The following NUDCD1 variants were observed in gnomAD, a reference collection of about 807,000 sequenced individuals.
NUDCD1 encodes the protein NudC domain containing 1.
A neutral mutation model predicts 67.8 loss-of-function variants in NUDCD1; 60 were observed. The observed-to-expected ratio is 0.88, with a 90% CI of 0.72 to 1.10. The LOEUF is 1.10. NUDCD1 is among the 50% of genes least tolerant of loss of function. The pLI is 0.00. For missense variants in NUDCD1, 643 were observed against 695.0 expected (o/e 0.93, Z 0.84); for synonymous variants, 244 against 230.8 (o/e 1.06, Z -0.52).
chr8:109,247,180 A>G (rs1429739641), intron 8 of NUDCD1, among the ~76,000 whole-genome samples: 1 of 152,156 alleles, frequency 6.6e-6, no homozygotes, highest in Non-Finnish European at 1.5e-5. Flanking sequence ...CAGACCTAAC[A>G]CTGCTTCAGC....
chr8:109,259,559 T>A (rs1396433612), intron 8 of NUDCD1, among the ~76,000 whole-genome samples: 1 of 152,094 alleles, frequency 6.6e-6, no homozygotes, highest in Non-Finnish European at 1.5e-5. Flanking sequence ...GTCTATGGGA[T>A]TATCTGGTTA....
At position 109,242,721 on chromosome 8, in the gene NUDCD1, C is replaced by G; in HGVS notation, c.*288G>C. On this transcript the variant is annotated 3_prime_UTR_variant, in exon 10 of 10. Transcript: ENST00000239690. ...TTTAAACACTGAATTGTACATCTTT[C>G]ATATAAAACATGAGATTCTAGCCTG... 1 of 210,078 alleles carries G rather than the reference C, an allele frequency of 4.8e-6. No individual in the cohort carries two copies. The allele number at this position is 210,078 out of a possible 1,614,324, so 13.0% of individuals were successfully genotyped here.
At position 109,333,374 on chromosome 8, in the gene NUDCD1, A is replaced by G. The variant is rs181260932; in HGVS notation, c.118+519T>C. Among the ~76,000 whole-genome samples, 52 of 152,302 alleles carry G rather than the reference A, an allele frequency of 3.4e-4. No individual in the cohort carries two copies. In the South Asian group the frequency reaches 4.1e-3, roughly 12 times the overall value. ...CACTTTTCCTCACTATCTTCTAGAG[A>G]TGTTCTCTACCAGAGTTCTTAATGT... On this transcript the variant is annotated intron_variant, in intron 1 of 9. Coordinates refer to ENST00000239690, the MANE Select transcript of NUDCD1 (RefSeq NM_032869.4).
chr8:109,275,735 G>T (rs555273731), intron 6 of NUDCD1, among the ~76,000 whole-genome samples: 1 of 152,216 alleles, frequency 6.6e-6, no homozygotes, highest in South Asian at 2.1e-4. Flanking sequence ...ACATCAAATG[G>T]CCTGAAGAGA....
At chr8:109,322,237 A>C in intron 2 of NUDCD1, 72 bp downstream of exon 2, 1 of 783,158 alleles carries the variant, frequency 1.3e-6, no homozygotes, top group East Asian at 2.7e-5. Context: ...TAGATTCAAA[A>C]GGGAAACTTA....
In NUDCD1 at chr8:109,242,815, T is replaced by A; in HGVS notation, c.*194A>T. ...TTTTTTTTCAGAAGCCAATGTTCTC[T>A]AAATCTGCAGCTTCATTCCACAGCT... On this transcript the variant is annotated 3_prime_UTR_variant, in exon 10 of 10. Transcript: ENST00000239690. 2.7e-6 allele frequency: 1 copy of A among 363,644 alleles called. No homozygotes were observed. Among genetic ancestry groups the A allele is most frequent in the Non-Finnish European group, 5.0e-6 (1 of 201,998 alleles). The allele number at this position is 363,644 out of a possible 1,614,324, so 22.5% of individuals were successfully genotyped here. A position where few individuals can be genotyped will look rare whatever the true frequency, so the allele number is the denominator to read the frequency against.
chr8:109,333,259 T>C (rs1029193490), intron 1 of NUDCD1, among the ~76,000 whole-genome samples: 1 of 152,200 alleles, frequency 6.6e-6, no homozygotes, highest in Non-Finnish European at 1.5e-5. Context: ...GGCTCTATCA[T>C]AACGAAAATG....
rs188930083 is a variant in NUDCD1, at chr8:109,242,038, G to A, written c.*971C>T. ...GTTGAAGTTGTTAGAAAAATAAAGA[G>A]AGCCACAAGGATAAATTATAATTTG... is the stretch of plus-strand genomic sequence containing the variant. On this transcript the variant is annotated 3_prime_UTR_variant, in exon 10 of 10. Coordinates refer to ENST00000239690, the MANE Select transcript of NUDCD1 (RefSeq NM_032869.4). 5.0e-6 allele frequency: 2 copies of A among 397,932 alleles called. No individual in the cohort carries two copies. The highest frequency in any genetic ancestry group is 7.1e-5 in the East Asian group (2 of 28,064). 24.7% of individuals were successfully genotyped at this position (397,932 alleles called of 1,614,324 possible). A position where few individuals can be genotyped will look rare whatever the true frequency, so the allele number is the denominator to read the frequency against.
At chr8:109,253,262 G>A (rs181103995) in intron 8 of NUDCD1, among the ~76,000 whole-genome samples, 1 of 152,280 alleles carries the variant, frequency 6.6e-6, no homozygotes. Flanking sequence ...AGAAGACATA[G>A]CTAGAGAGTA....
In NUDCD1 at chr8:109,256,509, T is replaced by C. The variant is rs57035030; in HGVS notation, c.1300-11028A>G. Among the ~76,000 whole-genome samples, 41 of 152,302 alleles carry C rather than the reference T, an allele frequency of 2.7e-4. No homozygotes were observed. The East Asian group carries it at 7.1e-3, about 26-fold the overall frequency. ...TTGCAGAAACTTGGAAGGTTCTTTG[T>C]AGACCATGGTAAGGACACTGAAAAT... On this transcript the variant is annotated intron_variant, in intron 8 of 9. Transcript: ENST00000239690.
intron 8 of NUDCD1, among the ~76,000 whole-genome samples, chr8:109,269,207 T>C (rs1227321510): frequency 2.0e-5 from 3 of 152,226 alleles, no homozygotes. Flanking sequence ...ATACATGTGC[T>C]TTTTAGAACT....
chr8:109,280,912 TAAAAAG>T, intron 6 of NUDCD1, 50 bp downstream of exon 6: 1 of 847,774 alleles, frequency 1.2e-6, no homozygotes, highest in Non-Finnish European at 1.8e-6. Flanking sequence ...GTGGAAAGAG[TAAAAAG>T]AAAAGAAAAA....
At chr8:109,268,751 A>T (rs1354417546) in intron 8 of NUDCD1, among the ~76,000 whole-genome samples, 1 of 152,192 alleles carries the variant, frequency 6.6e-6, no homozygotes, top group Non-Finnish European at 1.5e-5. Context: ...ATCTCCAGTT[A>T]AGTCAGATTC....
At chr8:109,272,502 T>C (rs1049680860) in intron 7 of NUDCD1, among the ~76,000 whole-genome samples, 2 of 152,172 alleles carry the variant, frequency 1.3e-5, no homozygotes, top group African/African-American at 2.4e-5. Flanking sequence ...AAATGTTCCC[T>C]TGCTTCAATG....
At chr8:109,288,643 G>C (rs1381941504) in intron 5 of NUDCD1, among the ~76,000 whole-genome samples, 1 of 152,086 alleles carries the variant, frequency 6.6e-6, no homozygotes, top group Non-Finnish European at 1.5e-5. Context: ...ATTTCTTAAA[G>C]CATCCAAAAA....
chr8:109,292,521 TAAAG>T (rs967630137), intron 4 of NUDCD1, among the ~76,000 whole-genome samples: 6 of 152,014 alleles, frequency 3.9e-5, no homozygotes, highest in African/African-American at 1.4e-4. Flanking sequence ...GCAGCTATGG[TAAAG>T]AAATATTTTT....
At chr8:109,275,560 G>T in intron 6 of NUDCD1, 64 bp from the exon 7 acceptor site, 1 of 1,403,200 alleles carries the variant, frequency 7.1e-7, no homozygotes, top group Non-Finnish European at 9.9e-7. Context: ...ACAATCAGTA[G>T]CAAACATTGT....
intron 8 of NUDCD1, among the ~76,000 whole-genome samples, chr8:109,256,825 C>T (rs563469540): frequency 5.9e-5 from 9 of 151,726 alleles, no homozygotes; most frequent in East Asian, 3.9e-4. Flanking sequence ...CATCTGAACC[C>T]GATGAGGATA....
intron 5 of NUDCD1, among the ~76,000 whole-genome samples, chr8:109,288,863 T>C (rs1180778655): frequency 3.3e-5 from 5 of 152,204 alleles, no homozygotes; most frequent in Non-Finnish European, 7.3e-5. Flanking sequence ...TCTCTGGCTA[T>C]GAACATCAGA....
Sources: allele counts gnomAD v4.1 joint callset (sites outside exome capture counted in the v4.1 genomes callset), GRCh38; gene constraint gnomAD v4.1.1; transcripts MANE v1.5; gene names NCBI Gene and HGNC (gene_info 2026-07-23, HGNC 2026-07-21).